CALB2: variants seen among roughly 807,000 people sequenced by gnomAD.
CALB2 encodes the protein calbindin 2.
CALB2 carries 34 observed loss-of-function variants against 45.9 expected under a neutral mutation model. That is an observed-to-expected ratio of 0.74 (90% CI 0.56 to 0.99). The LOEUF is 0.99. Ranked by LOEUF, CALB2 falls within the 50% of genes least tolerant of loss-of-function variation. The pLI, the probability that CALB2 is intolerant of heterozygous loss-of-function variation, is 0.00. For missense variants in CALB2, 344 were observed against 339.3 expected (o/e 1.01, Z -0.11); for synonymous variants, 142 against 129.6 (o/e 1.10, Z -0.65).
chr16:71,359,393 T>C (rs573175554), intron 1 of CALB2, among the ~76,000 whole-genome samples: 12 of 152,264 alleles, frequency 7.9e-5, no homozygotes, highest in East Asian at 1.9e-4. Flanking sequence ...GAAAATGGCA[T>C]TGGGGGCCCT....
chr16:71,364,763 C>G (rs779510363), intron 1 of CALB2, among the ~76,000 whole-genome samples: 11 of 152,226 alleles, frequency 7.2e-5, no homozygotes, highest in Non-Finnish European at 1.6e-4. Flanking sequence ...AAACATTCAG[C>G]TGGTGGCTGG....
At chr16:71,386,657 G>A (rs576095977) in intron 10 of CALB2, among the ~76,000 whole-genome samples, 12 of 152,204 alleles carry the variant, frequency 7.9e-5, no homozygotes, top group Non-Finnish European at 1.6e-4. Flanking sequence ...CCTGGAAAAT[G>A]TCTTTCTCTG....
chr16:71,376,545 T>G (rs1169934853), intron 3 of CALB2, among the ~76,000 whole-genome samples: 1 of 145,878 alleles, frequency 6.9e-6, no homozygotes, highest in East Asian at 2.1e-4. Context: ...GCATCCACAT[T>G]CAACCACACA....
At chr16:71,361,375 A>G (rs111521348) in intron 1 of CALB2, among the ~76,000 whole-genome samples, 5 of 152,342 alleles carry the variant, frequency 3.3e-5, no homozygotes, top group African/African-American at 1.2e-4. Context: ...CTGAACACCC[A>G]AAGGCTGCCA....
Position 71,365,297 on chromosome 16 carries a change from C to T in CALB2, c.94+6411C>T, listed in dbSNP as rs141460999. On this transcript the variant is annotated intron_variant, in intron 1 of 10. Transcript: ENST00000302628. ...CTCAAGGAGGAAGGTGCGAACCTTC[C>T]CTCCTTTGACCTCTCTAATCTATGG... Among the ~76,000 whole-genome samples, 17 of 152,270 alleles carry T rather than the reference C, an allele frequency of 1.1e-4. No individual in the cohort carries two copies. The East Asian group carries it at 2.1e-3, about 19-fold the overall frequency.
intron 7 of CALB2, 74 bp downstream of exon 7, chr16:71,384,099 C>A: frequency 6.6e-7 from 1 of 1,519,402 alleles, no homozygotes; most frequent in Non-Finnish European, 9.1e-7. Context: ...CTCTGAGATC[C>A]ATTGGTGGGA....
chr16:71,387,967 G>A (rs1479966219), intron 10 of CALB2, among the ~76,000 whole-genome samples: 1 of 152,084 alleles, frequency 6.6e-6, no homozygotes, highest in Non-Finnish European at 1.5e-5. Context: ...TGGCCCTTGA[G>A]CCCTGAGAAA....
chr16:71,381,603 A>C (rs9940728), intron 4 of CALB2, among the ~76,000 whole-genome samples: 93,770 of 151,998 alleles, frequency 0.62, 30,559 homozygotes, highest in African/African-American at 0.84. Context: ...AGGGGATAAG[A>C]TGTAGGAAAA....
intron 1 of CALB2, among the ~76,000 whole-genome samples, chr16:71,365,085 G>A (rs1187516419): frequency 1.3e-5 from 2 of 152,166 alleles, no homozygotes; most frequent in Non-Finnish European, 1.5e-5. Flanking sequence ...CAGAGCCTGG[G>A]GAAGCCAATT....
intron 1 of CALB2, among the ~76,000 whole-genome samples, chr16:71,369,240 A>T (rs2042319596): frequency 6.6e-6 from 1 of 152,138 alleles, no homozygotes; most frequent in African/African-American, 2.4e-5. Context: ...TTTAATCTTC[A>T]TGGCAGCTGC....
chr16:71,384,669 A>ACATATACACATACC (rs370865423), intron 8 of CALB2, 114 bp from the exon 9 acceptor site: 1 of 435,522 alleles, frequency 2.3e-6, no homozygotes, highest in African/African-American at 5.6e-5. Flanking sequence ...CCACACACAC[A>ACATATACACATACC]ACACACACAT....
chr16:71,363,346 G>A (rs2042252639), intron 1 of CALB2, among the ~76,000 whole-genome samples: 2 of 152,144 alleles, frequency 1.3e-5, no homozygotes, highest in African/African-American at 4.8e-5. Context: ...GTGACGTAGG[G>A]GGTGCTCAAA....
chr16:71,382,739 A>C lies in CALB2; in HGVS notation c.363A>C (p.Thr121=). The change falls in exon 5 of 11, where the codon ACA becomes ACC. Residue 121 remains threonine (T), a synonymous_variant. Coordinates refer to ENST00000302628, the MANE Select transcript of CALB2 (RefSeq NM_001740.5). Reference sequence around the variant, plus strand: ...TGCAGGCTTGGCGGAAGTACGACACAGACAGGAGTGGCTACATCGAAGCCA... The same window carrying C: ...TGCAGGCTTGGCGGAAGTACGACACCGACAGGAGTGGCTACATCGAAGCCA... ...EFMEAWRKYD[T]DRSGYIEANE... 1 of 1,612,192 alleles carries C rather than the reference A, an allele frequency of 6.2e-7. No homozygotes were observed. Among genetic ancestry groups the C allele is most frequent in the East Asian group, 2.2e-5 (1 of 44,766 alleles).
intron 1 of CALB2, 94 bp downstream of exon 1, chr16:71,358,980 T>C: frequency 1.8e-6 from 2 of 1,116,424 alleles, no homozygotes; most frequent in Non-Finnish European, 2.6e-6. Context: ...CAGGTGTACG[T>C]TTGCCCTCAG....
At chr16:71,371,916 C>T (rs1045467870) in intron 1 of CALB2, among the ~76,000 whole-genome samples, 1 of 152,200 alleles carries the variant, frequency 6.6e-6, no homozygotes, top group African/African-American at 2.4e-5. Context: ...TCTGTCCTCT[C>T]GGACCCTGTG....
Position 71,390,091 on chromosome 16 carries a change from A to T in CALB2, c.*226A>T. 1 of 538,728 alleles carries T rather than the reference A, an allele frequency of 1.9e-6. No homozygotes were observed. The highest frequency in any genetic ancestry group is 3.3e-6 in the Non-Finnish European group (1 of 300,528). The allele number at this position is 538,728 out of a possible 1,614,324, so 33.4% of individuals were successfully genotyped here. A position where few individuals can be genotyped will look rare whatever the true frequency, so the allele number is the denominator to read the frequency against. ...GCAGTCTTTGCTCAGTGGATCACAC[A>T]CATGGAAGGTGATGGGGGCATGGGT... On this transcript the variant is annotated 3_prime_UTR_variant, in exon 11 of 11. Coordinates refer to ENST00000302628, the MANE Select transcript of CALB2 (RefSeq NM_001740.5).
chr16:71,376,243 G>A (rs745571357), intron 3 of CALB2, among the ~76,000 whole-genome samples: 8 of 152,242 alleles, frequency 5.3e-5, no homozygotes, highest in East Asian at 1.9e-4. Context: ...GTGTGGCCAC[G>A]TCTTATAAAA....
intron 1 of CALB2, among the ~76,000 whole-genome samples, chr16:71,362,668 CTG>C (rs1190070402): frequency 2.0e-5 from 3 of 152,128 alleles, no homozygotes; most frequent in African/African-American, 7.2e-5. Flanking sequence ...TTGTTTAAAA[CTG>C]TAGCTGAACA....
chr16:71,382,667 G>C, intron 4 of CALB2, 52 bp from the exon 5 acceptor site: 1 of 1,577,816 alleles, frequency 6.3e-7, no homozygotes, highest in Non-Finnish European at 8.7e-7. Flanking sequence ...GAAGGGAGGT[G>C]GGTAGATTTT....
Sources: allele counts gnomAD v4.1 joint callset (sites outside exome capture counted in the v4.1 genomes callset), GRCh38; gene constraint gnomAD v4.1.1; transcripts MANE v1.5; gene names NCBI Gene and HGNC (gene_info 2026-07-23, HGNC 2026-07-21).